The following ADGRL3 variants were observed in gnomAD, a reference collection of about 807,000 sequenced individuals.
The protein encoded by ADGRL3 is adhesion G protein-coupled receptor L3.
In ADGRL3, 62 loss-of-function variants were observed where a neutral mutation model predicts 153.5. The observed-to-expected ratio is 0.40, with a 90% CI of 0.33 to 0.50. The LOEUF is 0.50. ADGRL3 is among the 20% of genes least tolerant of loss of function. ADGRL3 has a pLI of 0.47. For missense variants in ADGRL3, 1,641 were observed against 1,859.4 expected (o/e 0.88, Z 2.16); for synonymous variants, 710 against 672.5 (o/e 1.06, Z -0.86).
At chr4:62,058,514 G>A (rs993206565) in intron 25 of ADGRL3, among the ~76,000 whole-genome samples, 1 of 152,058 alleles carries the variant, frequency 6.6e-6, no homozygotes, top group African/African-American at 2.4e-5. Flanking sequence ...TTAGACACTT[G>A]GTGTAGAGCA....
chr4:61,710,148 G>A (rs1480667905), intron 6 of ADGRL3, among the ~76,000 whole-genome samples: 2 of 152,152 alleles, frequency 1.3e-5, no homozygotes, highest in Non-Finnish European at 2.9e-5. Context: ...ACGCAGTTCT[G>A]AAGTCTGTGG....
At chr4:62,018,470 C>T (rs1007935519) in intron 21 of ADGRL3, among the ~76,000 whole-genome samples, 9 of 152,086 alleles carry the variant, frequency 5.9e-5, no homozygotes, top group East Asian at 1.9e-4. Flanking sequence ...TTTTCAGCAT[C>T]GCAGTGGTGA....
At chr4:62,057,563 T>C (rs1031587875) in intron 25 of ADGRL3, among the ~76,000 whole-genome samples, 1 of 152,230 alleles carries the variant, frequency 6.6e-6, no homozygotes, top group Non-Finnish European at 1.5e-5. Flanking sequence ...ATTTTTTCAA[T>C]ATGGAATACG....
intron 6 of ADGRL3, among the ~76,000 whole-genome samples, chr4:61,729,322 C>A (rs1245561601): frequency 1.3e-5 from 2 of 151,834 alleles, no homozygotes; most frequent in Non-Finnish European, 2.9e-5. Context: ...GCCAGTTTTT[C>A]CTTGGTGAGA....
intron 9 of ADGRL3, among the ~76,000 whole-genome samples, chr4:61,884,339 G>T (rs1385535446): frequency 1.3e-5 from 2 of 152,142 alleles, no homozygotes; most frequent in African/African-American, 2.4e-5. Flanking sequence ...TAACCTCTCT[G>T]TGCCTCAGTT....
At chr4:61,520,638 G>C (rs2098524185) in intron 4 of ADGRL3, among the ~76,000 whole-genome samples, 1 of 144,336 alleles carries the variant, frequency 6.9e-6, no homozygotes, top group Non-Finnish European at 1.5e-5. Context: ...AGATGAGGAG[G>C]CTTCTATAAA....
intron 13 of ADGRL3, among the ~76,000 whole-genome samples, chr4:61,921,351 G>A (rs190429567): frequency 8.1e-4 from 123 of 152,182 alleles, no homozygotes; most frequent in African/African-American, 2.6e-3. Context: ...TTGCGGTTGC[G>A]TAGTTCAACC....
intron 13 of ADGRL3, among the ~76,000 whole-genome samples, chr4:61,921,484 T>C (rs1382422530): frequency 6.6e-6 from 1 of 152,160 alleles, no homozygotes. Context: ...AGTGGCGTGA[T>C]CTCGGCTCAC....
At chr4:61,843,306 G>T (rs2098061892) in intron 9 of ADGRL3, among the ~76,000 whole-genome samples, 3 of 152,124 alleles carry the variant, frequency 2.0e-5, no homozygotes, top group Admixed American at 1.3e-4. Flanking sequence ...CCTTTCTTCT[G>T]CAGTGTTAGA....
intron 8 of ADGRL3, among the ~76,000 whole-genome samples, chr4:61,781,248 C>G (rs1177862232): frequency 6.6e-6 from 1 of 150,850 alleles, no homozygotes; most frequent in Non-Finnish European, 1.5e-5. Context: ...ATCACTTGAA[C>G]CGGGGAAGCA....
At chr4:61,210,557 A>G (rs1739484094) in intron 1 of ADGRL3, among the ~76,000 whole-genome samples, 1 of 152,006 alleles carries the variant, frequency 6.6e-6, no homozygotes. Context: ...CCCCTTCCCC[A>G]TTTCCTTTTT....
intron 9 of ADGRL3, among the ~76,000 whole-genome samples, chr4:61,889,330 C>A (rs919092699): frequency 2.9e-4 from 44 of 152,172 alleles, no homozygotes; most frequent in Admixed American, 1.3e-4. Context: ...GCAGAAAGAA[C>A]AGGGTGCAGC....
chr4:61,714,694 G>T (rs1362943677), intron 6 of ADGRL3, among the ~76,000 whole-genome samples: 1 of 152,142 alleles, frequency 6.6e-6, no homozygotes, highest in African/African-American at 2.4e-5. Context: ...TATTTCAGTT[G>T]TACGGTTCTG....
chr4:61,628,562 A>C (rs1206582362), intron 5 of ADGRL3, among the ~76,000 whole-genome samples: 3 of 152,224 alleles, frequency 2.0e-5, no homozygotes, highest in Admixed American at 6.5e-5. Flanking sequence ...TTAATTATAA[A>C]TGAAGGGTAT....
At chr4:61,927,367 A>C (rs1453703933) in intron 13 of ADGRL3, among the ~76,000 whole-genome samples, 1 of 151,174 alleles carries the variant, frequency 6.6e-6, no homozygotes, top group Non-Finnish European at 1.5e-5. Context: ...CTTTTTTTTA[A>C]AAAAAAAAAT....
chr4:61,576,892 T>C (rs1196707605), intron 4 of ADGRL3, among the ~76,000 whole-genome samples: 1 of 151,922 alleles, frequency 6.6e-6, no homozygotes, highest in African/African-American at 2.4e-5. Flanking sequence ...TGTCCAATTC[T>C]GAATGGGTGA....
intron 9 of ADGRL3, among the ~76,000 whole-genome samples, chr4:61,814,246 A>G (rs947926103): frequency 1.3e-5 from 2 of 151,516 alleles, no homozygotes; most frequent in Non-Finnish European, 2.9e-5. Flanking sequence ...TTTTACATTA[A>G]GATGTCTTAA....
chr4:61,336,546 C>T (rs2095678803), intron 1 of ADGRL3, among the ~76,000 whole-genome samples: 1 of 152,056 alleles, frequency 6.6e-6, no homozygotes, highest in Non-Finnish European at 1.5e-5. Context: ...ATGGAGGTTA[C>T]AGGTTATTTT....
chr4:61,848,003 AATATATT>A (rs2098152758), intron 9 of ADGRL3, among the ~76,000 whole-genome samples: 1 of 11,150 alleles, frequency 9.0e-5, no homozygotes, highest in Non-Finnish European at 1.5e-4. Flanking sequence ...TATAATATAA[AATATATT>A]ATATATATAA....
Sources: gnomAD v4.1 joint callset for allele counts (sites outside exome capture counted in the v4.1 genomes callset) on GRCh38, gnomAD v4.1.1 for gene constraint, MANE v1.5 for transcripts, NCBI Gene and HGNC (gene_info 2026-07-23, HGNC 2026-07-21) for gene names.